Variants in TMIGD3 observed in about 807,000 individuals in gnomAD.
The protein encoded by TMIGD3 is transmembrane and immunoglobulin domain containing 3, also known as AD026 protein (AD026).
Under a neutral mutation model 28.1 loss-of-function variants are expected in TMIGD3, and 21 were observed. The observed-to-expected ratio is 0.75, with a 90% CI of 0.53 to 1.08. TMIGD3 has a LOEUF of 1.08. Among genes scored for constraint, TMIGD3 ranks in the 50% least tolerant of loss-of-function variants. The probability of loss-of-function intolerance (pLI) is 0.00; values close to 1 mark genes in which losing one functional copy is unlikely to be tolerated. For synonymous variants in TMIGD3, 151 were observed against 162.1 expected (o/e 0.93, Z 0.52); for missense variants, 416 against 435.6 (o/e 0.96, Z 0.40).
intron 3 of TMIGD3, among the ~76,000 whole-genome samples, chr1:111,488,411 G>T (rs1318199250): frequency 2.0e-5 from 3 of 152,152 alleles, no homozygotes; most frequent in Non-Finnish European, 4.4e-5. Flanking sequence ...CCTCTTCTAA[G>T]GTCCTTAAAC....
chr1:111,507,037 G>GTATATA (rs756384162), upstream of TMIGD3, among the ~76,000 whole-genome samples: 2 of 48,636 alleles, frequency 4.1e-5, no homozygotes, highest in African/African-American at 1.1e-4. Context: ...GTGTGTGTGT[G>GTATATA]TGTATATATA....
chr1:111,490,575 C>T, intron 2 of TMIGD3, 81 bp downstream of exon 2: 1 of 1,039,708 alleles, frequency 9.6e-7, no homozygotes, highest in South Asian at 1.3e-5. Flanking sequence ...GCAAGGACTC[C>T]AAGTAGGTGA....
At chr1:111,514,643 A>AAC (rs113195244) in intron 1 of TMIGD3, among the ~76,000 whole-genome samples, 77,931 of 148,788 alleles carry the variant, frequency 0.52, 22,041 homozygotes, top group Admixed American at 0.65. Flanking sequence ...ACAGTATGGG[A>AAC]ACACACACAC....
chr1:111,495,769 G>A (rs765762958), intron 1 of TMIGD3, among the ~76,000 whole-genome samples: 12 of 152,182 alleles, frequency 7.9e-5, no homozygotes, highest in Non-Finnish European at 1.5e-4. Context: ...GCCCATCAAT[G>A]GCAGACTGGA....
chr1:111,518,776 T>C (rs537248685), intron 1 of TMIGD3, among the ~76,000 whole-genome samples: 1 of 152,330 alleles, frequency 6.6e-6, no homozygotes, highest in East Asian at 1.9e-4. Flanking sequence ...ATTAATGCAT[T>C]CTGATTCTCC....
chr1:111,541,992 G>T (rs1225787019), intron 1 of TMIGD3, among the ~76,000 whole-genome samples: 2 of 152,088 alleles, frequency 1.3e-5, no homozygotes, highest in African/African-American at 4.8e-5. Context: ...TTTATGAGGT[G>T]TGTCACCAGG....
intron 1 of TMIGD3, among the ~76,000 whole-genome samples, chr1:111,531,106 C>T (rs1345755053): frequency 3.9e-5 from 6 of 152,068 alleles, no homozygotes; most frequent in Admixed American, 6.6e-5. Flanking sequence ...GGCAAAACTT[C>T]GTCTCTACAA....
intron 1 of TMIGD3, among the ~76,000 whole-genome samples, chr1:111,509,559 C>T (rs1351963270): frequency 6.6e-6 from 1 of 152,102 alleles, no homozygotes; most frequent in African/African-American, 2.4e-5. Flanking sequence ...ACTACTGATC[C>T]CAAATGTTTA....
At chr1:111,506,203 T>G (rs56116115), upstream of TMIGD3, among the ~76,000 whole-genome samples, 7,456 of 152,276 alleles carry the variant, frequency 0.049, 205 homozygotes, top group African/African-American at 0.069. Context: ...GGACCACCAC[T>G]TTCCATTTCT....
rs182362967 is a variant in TMIGD3 at position 111,563,188 on chromosome 1, T to A, written c.107+658A>T. Among the ~76,000 whole-genome samples the A allele has an allele frequency of 3.7e-3, 556 of 152,118 alleles. 2 individuals carry two copies. The highest frequency in any genetic ancestry group is 0.013 in the African/African-American group (520 of 41,496). On this transcript the variant is annotated intron_variant, in intron 1 of 5. Transcript: ENST00000369717. Reference sequence around the variant, plus strand: ...TACTCAGGTGGCTGAGGCAGGAGGATCGATTTAGCCCAGGAGGTTGAGGCC... The same window carrying A: ...TACTCAGGTGGCTGAGGCAGGAGGAACGATTTAGCCCAGGAGGTTGAGGCC...
intron 1 of TMIGD3, among the ~76,000 whole-genome samples, chr1:111,531,511 A>C (rs1335208997): frequency 6.6e-6 from 1 of 152,094 alleles, no homozygotes; most frequent in African/African-American, 2.4e-5. Flanking sequence ...TGAACACATA[A>C]AATACATAAC....
chr1:111,502,087 A>G lies in TMIGD3; in HGVS notation c.350+918T>C, dbSNP rs1010209195. Among the ~76,000 whole-genome samples the G allele has an allele frequency of 2.4e-4, 5 of 20,530 alleles. No homozygotes were observed. In the South Asian group the frequency reaches 3.4e-3, roughly 14 times the overall value. The allele number at this position is 20,530 out of a possible 152,430, so 13.5% of individuals were successfully genotyped here. A position where few individuals can be genotyped will look rare whatever the true frequency, so the allele number is the denominator to read the frequency against. On this transcript the variant is annotated intron_variant, in intron 1 of 5. Coordinates refer to ENST00000369716, the MANE Select transcript of TMIGD3 (RefSeq NM_020683.7). ...ATAGGATATATATATTATAATAAAT[A>G]TATATAGGAGATATATATTTAATAT...
At chr1:111,492,813 CAAA>C (rs34093957) in intron 1 of TMIGD3, among the ~76,000 whole-genome samples, 225 of 103,178 alleles carry the variant, frequency 2.2e-3, no homozygotes, top group African/African-American at 6.0e-3. Flanking sequence ...GATGCTGTCT[CAAA>C]AAAAAAAAAA....
intron 1 of TMIGD3, among the ~76,000 whole-genome samples, chr1:111,550,124 A>C (rs1386579302): frequency 6.6e-6 from 1 of 152,164 alleles, no homozygotes; most frequent in Non-Finnish European, 1.5e-5. Context: ...GCAATTGCTC[A>C]TAGTATTGCC....
chr1:111,540,989 G>A (rs1017777022), intron 1 of TMIGD3, among the ~76,000 whole-genome samples: 2 of 151,732 alleles, frequency 1.3e-5, no homozygotes, highest in African/African-American at 4.9e-5. Flanking sequence ...AGGGACAGAT[G>A]ATAAATATTT....
Position 111,530,082 on chromosome 1 carries a change from G to A in TMIGD3, c.107+33764C>T, listed in dbSNP as rs1028504322. Among the ~76,000 whole-genome samples the A allele has an allele frequency of 4.6e-5, 7 of 152,090 alleles. No homozygotes were observed. In the East Asian group the frequency reaches 7.8e-4, roughly 17 times the overall value. On this transcript the variant is annotated intron_variant, in intron 1 of 5. Transcript: ENST00000369717. ...TTCCCAGTAGGGGCGGCCGGGCAGAGGCGCCCCTCTGTAATTGAGTATTTT... is the reference window on the plus strand; with the variant it reads ...TTCCCAGTAGGGGCGGCCGGGCAGAAGCGCCCCTCTGTAATTGAGTATTTT...
At chr1:111,552,602 A>G (rs1178693063) in intron 1 of TMIGD3, among the ~76,000 whole-genome samples, 3 of 152,140 alleles carry the variant, frequency 2.0e-5, no homozygotes, top group Non-Finnish European at 4.4e-5. Context: ...ACAGCCAGTT[A>G]TTCCTTTAAA....
At chr1:111,500,316 A>G in intron 1 of TMIGD3, 4 of 1,614,258 alleles carry the variant, frequency 2.5e-6, no homozygotes, top group Non-Finnish European at 3.4e-6. Flanking sequence ...AGATGTCAAG[A>G]TAGATGGCGC....
rs1002421860 is a variant in TMIGD3 at position 111,499,046 on chromosome 1, G to C, written c.350+3959C>G. ...GTTGAGGCTGCAATGATCTGCGATC[G>C]AGCCACTACACTCCAGCCTAGGTGA... On this transcript the variant is annotated intron_variant, in intron 1 of 5. Coordinates refer to ENST00000369716, the MANE Select transcript of TMIGD3 (RefSeq NM_020683.7). Among the ~76,000 whole-genome samples the C allele has an allele frequency of 4.1e-5, 6 of 146,614 alleles. 2 individuals carry two copies. The highest frequency in any genetic ancestry group is 1.5e-4 in the African/African-American group (6 of 39,664).
Sources: allele counts gnomAD v4.1 joint callset (sites outside exome capture counted in the v4.1 genomes callset), GRCh38; gene constraint gnomAD v4.1.1; transcripts MANE v1.5; gene names NCBI Gene and HGNC (gene_info 2026-07-23, HGNC 2026-07-21).